MNT: variants seen among roughly 807,000 people sequenced by gnomAD.
MNT encodes the protein max-binding protein MNT.
In MNT, 13 loss-of-function variants were observed where a neutral mutation model predicts 40.7. The observed-to-expected ratio is 0.32, with a 90% CI of 0.21 to 0.51. The LOEUF (loss-of-function observed/expected upper bound fraction) is 0.51, where lower values mean the gene tolerates loss of function less well. MNT is among the 20% of genes least tolerant of loss of function. The probability of loss-of-function intolerance (pLI) is 0.98; values close to 1 mark genes in which losing one functional copy is unlikely to be tolerated. For missense variants in MNT, 757 were observed against 792.0 expected (o/e 0.96, Z 0.53); for synonymous variants, 426 against 354.8 (o/e 1.20, Z -2.26).
intron 1 of MNT, among the ~76,000 whole-genome samples, chr17:2,395,832 C>T (rs2066574146): frequency 6.6e-6 from 1 of 152,048 alleles, no homozygotes; most frequent in South Asian, 2.1e-4. Flanking sequence ...CAGCGAGGGT[C>T]AGGGGACCAC....
In MNT at chr17:2,394,274, C is replaced by G. The variant is rs546148454; in HGVS notation, c.695+31G>C. Reference sequence around the variant, plus strand: ...GGCCCGGGTCGCGCGCGCACGCACGCACGCACACACACACACACACACACA... The same window carrying G: ...GGCCCGGGTCGCGCGCGCACGCACGGACGCACACACACACACACACACACA... On this transcript the variant is annotated intron_variant, in intron 3 of 5. Coordinates refer to ENST00000174618, the MANE Select transcript of MNT (RefSeq NM_020310.3). 7.9e-6 allele frequency: 12 copies of G among 1,519,720 alleles called. No homozygotes were observed. In the South Asian group the frequency reaches 8.2e-5, roughly 10 times the overall value. The allele number at this position is 1,519,720 out of a possible 1,614,324, so 94.1% of individuals were successfully genotyped here.
chr17:2,394,413 C>T lies in MNT; in HGVS notation c.654-67G>A, dbSNP rs529767226. 5.3e-5 allele frequency: 85 copies of T among 1,606,400 alleles called. No individual in the cohort carries two copies. The East Asian group carries it at 1.0e-3, about 19-fold the overall frequency. On this transcript the variant is annotated intron_variant, in intron 2 of 5. Transcript: ENST00000174618. ...ATTAGACGGCCTTCCTGACCAGCGC[C>T]GCCACCCGCAAAATTGCCACAGGCT... is the stretch of plus-strand genomic sequence containing the variant.
chr17:2,395,567 G>T, intron 1 of MNT, 113 bp from the exon 2 acceptor site: 1 of 1,511,174 alleles, frequency 6.6e-7, no homozygotes, highest in South Asian at 1.2e-5. Flanking sequence ...CCTGCTCAGC[G>T]AGAGACACCA....
chr17:2,399,419 T>C (rs1228823733), intron 1 of MNT, among the ~76,000 whole-genome samples: 1 of 152,140 alleles, frequency 6.6e-6, no homozygotes, highest in Non-Finnish European at 1.5e-5. Flanking sequence ...CCAGGGGGCA[T>C]AGTTGGAACG....
chr17:2,399,607 G>GGGCCCA (rs1052909567), intron 1 of MNT, among the ~76,000 whole-genome samples: 9 of 152,052 alleles, frequency 5.9e-5, no homozygotes, highest in Non-Finnish European at 8.8e-5. Context: ...GCCGGGGCCC[G>GGGCCCA]GGCCCAGGCC....
intron 1 of MNT, among the ~76,000 whole-genome samples, chr17:2,398,073 G>C (rs1321192055): frequency 6.6e-6 from 1 of 152,258 alleles, no homozygotes; most frequent in East Asian, 1.9e-4. Flanking sequence ...GTCCACACTG[G>C]TGGGCCCCAG....
chr17:2,390,611 C>G (rs539659958), intron 4 of MNT: 1 of 152,276 alleles, frequency 6.6e-6, no homozygotes, highest in East Asian at 1.9e-4. Context: ...GAAAAATGGT[C>G]TTCCAGGAAA....
At chr17:2,387,702 C>T in intron 5 of MNT, 53 bp from the exon 6 acceptor site, 1 of 1,602,086 alleles carries the variant, frequency 6.2e-7, no homozygotes, top group African/African-American at 1.3e-5. Flanking sequence ...AAGCAAGTGG[C>T]TGGAGGCGTA....
Position 2,395,259 on chromosome 17 carries a change from G to C in MNT, c.269C>G (p.Pro90Arg). The change falls in exon 2 of 6, where the codon CCT becomes CGT. Residue 90 changes from proline (P) to arginine (R), a missense_variant. Around this residue, in one of 4 missense-constraint regions of MNT, gnomAD observed 335 missense variants for 291.4 expected, o/e 1.15. Coordinates refer to ENST00000174618, the MANE Select transcript of MNT (RefSeq NM_020310.3). ...AGGGGAGTTGGTCACCACAGGGATA[G>C]GGATGACAGTCAGTGGGGCAGGGGT... is the stretch of plus-strand genomic sequence containing the variant. ...LATPAPLTVIPIPVVTNSPQP... is the reference protein window; with the variant it reads ...LATPAPLTVIRIPVVTNSPQP... The C allele has an allele frequency of 6.5e-7, 1 of 1,539,898 alleles. No homozygotes were observed. Among genetic ancestry groups the C allele is most frequent in the Non-Finnish European group, 8.8e-7 (1 of 1,137,740 alleles).
Position 2,387,505 on chromosome 17 carries a change from G to A in MNT, c.1145C>T (p.Pro382Leu). 1 of 1,613,176 alleles carries A rather than the reference G, an allele frequency of 6.2e-7. No individual in the cohort carries two copies. The highest frequency in any genetic ancestry group is 8.5e-7 in the Non-Finnish European group (1 of 1,179,754). Residue 382 changes from proline (P) to leucine (L), a missense_variant, in exon 6 of 6, where the codon CCA becomes CTA. By Grantham distance (98) the Pro-to-Leu change is moderately conservative. Around this residue, in one of 4 missense-constraint regions of MNT, gnomAD observed 345 missense variants for 380.1 expected, o/e 0.91. Transcript: ENST00000174618. Reference sequence around the variant, plus strand: ...GGCCACGGAGTGGGGGTGAGGGTGTGGGTGTGGAGGCAGAGGCGCAGGGGT... The same window carrying A: ...GGCCACGGAGTGGGGGTGAGGGTGTAGGTGTGGAGGCAGAGGCGCAGGGGT... The part of the protein sequence containing the change: ...STTPAPLPPH[P>L]HPHPHSVALP...
chr17:2,388,179 G>A (rs1165629574), intron 4 of MNT, 130 bp from the exon 5 acceptor site: 18 of 832,172 alleles, frequency 2.2e-5, no homozygotes, highest in East Asian at 8.2e-5. Flanking sequence ...CCAGCCTGAC[G>A]GGGGCTGCTG....
chr17:2,394,227 A>AGCTGGGGCCGAGGGCC, intron 3 of MNT, 73 bp from the exon 4 acceptor site: 1 of 1,588,328 alleles, frequency 6.3e-7, no homozygotes, highest in Non-Finnish European at 8.6e-7. Context: ...GGACCGGGGA[A>AGCTGGGGCCGAGGGCC]GCTGGGGCCG....
rs2066440023 is a variant in MNT, at chr17:2,384,593, C to CCTGCGTGT, written c.*2307_*2308insACACGCAG. 1.0e-5 allele frequency: 1 copy of CCTGCGTGT among 100,472 alleles called. No individual in the cohort carries two copies. Among genetic ancestry groups the CCTGCGTGT allele is most frequent in the African/African-American group, 3.7e-5 (1 of 27,032 alleles). 6.2% of individuals were successfully genotyped at this position (100,472 alleles called of 1,614,324 possible). On this transcript the variant is annotated 3_prime_UTR_variant, in exon 6 of 6. Coordinates refer to ENST00000174618, the MANE Select transcript of MNT (RefSeq NM_020310.3). ...ATGAGAGGTAAGATGTGTGCGTGTG[C>CCTGCGTGT]GTGCGTGTGTGTGTGTGTGTGTGTG...
At chr17:2,399,319 G>A (rs910182904) in intron 1 of MNT, among the ~76,000 whole-genome samples, 3 of 152,194 alleles carry the variant, frequency 2.0e-5, no homozygotes, top group African/African-American at 7.2e-5. Context: ...GGCGCGTGAA[G>A]ATAGGAGTCA....
At chr17:2,399,055 G>A (rs1203700659) in intron 1 of MNT, among the ~76,000 whole-genome samples, 1 of 149,034 alleles carries the variant, frequency 6.7e-6, no homozygotes, top group East Asian at 2.1e-4. Context: ...CGGCGCGCGC[G>A]CACACAACAC....
intron 1 of MNT, among the ~76,000 whole-genome samples, chr17:2,399,551 G>A (rs1396253838): frequency 6.6e-6 from 1 of 152,182 alleles, no homozygotes; most frequent in East Asian, 1.9e-4. Flanking sequence ...GGTGAGCTCG[G>A]CTCCTCCCTC....
chr17:2,400,884 ATG>A lies in MNT; in HGVS notation c.-174_-173del, dbSNP rs2151673601. 1 of 432,978 alleles carries A rather than the reference ATG, an allele frequency of 2.3e-6. No individual in the cohort carries two copies. The highest frequency in any genetic ancestry group is 2.1e-5 in the African/African-American group (1 of 48,088). 26.8% of individuals were successfully genotyped at this position (432,978 alleles called of 1,614,324 possible). ...CGGGGGAGCACGGGGAGAAAAATCA[ATG>A]TCTCTCAAAATATTTGCAAAATATA... On this transcript the variant is annotated 5_prime_UTR_variant, in exon 1 of 6. Coordinates refer to ENST00000174618, the MANE Select transcript of MNT (RefSeq NM_020310.3).
At chr17:2,395,592 G>A (rs2066571693) in intron 1 of MNT, 138 bp from the exon 2 acceptor site, 1 of 1,446,924 alleles carries the variant, frequency 6.9e-7, no homozygotes, top group Non-Finnish European at 9.2e-7. Flanking sequence ...TAGCCTACCA[G>A]CCCAGCCAGG....
rs769624449 is a variant in MNT at position 2,387,822 on chromosome 17, AGGGCTGGGGGGCCAGCGTGG to A, written c.1000+15_1000+34del. On this transcript the variant is annotated intron_variant, in intron 5 of 5. Coordinates refer to ENST00000174618, the MANE Select transcript of MNT (RefSeq NM_020310.3). ...GCTGGAATTTGAGGTGTAACATCTG[AGGGCTGGGGGGCCAGCGTGG>A]GGGCTGGGGCTCACCAGAGGCGGTG... 1.3e-6 allele frequency: 2 copies of A among 1,566,038 alleles called. No homozygotes were observed. The highest frequency in any genetic ancestry group is 2.7e-5 in the African/African-American group (2 of 73,438).
Sources: allele counts gnomAD v4.1 joint callset (sites outside exome capture counted in the v4.1 genomes callset), GRCh38; gene constraint gnomAD v4.1.1; regional missense constraint gnomAD v4.1.1; transcripts MANE v1.5; gene names NCBI Gene and HGNC (gene_info 2026-07-23, HGNC 2026-07-21).